The following THSD7B variants were observed in gnomAD, a reference collection of about 807,000 sequenced individuals.
The protein encoded by THSD7B is thrombospondin type 1 domain containing 7B, also known as thrombospondin type-1 domain-containing protein 7B.
Under a neutral mutation model 213.6 loss-of-function variants are expected in THSD7B, and 138 were observed. The observed-to-expected ratio is 0.65, with a 90% CI of 0.56 to 0.74. The LOEUF (loss-of-function observed/expected upper bound fraction) is 0.74. THSD7B is among the 30% of genes least tolerant of loss of function. The pLI, the probability that THSD7B is intolerant of heterozygous loss-of-function variation, is 0.00. For missense variants in THSD7B, 1,931 were observed against 1,991.5 expected (o/e 0.97, Z 0.58); for synonymous variants, 742 against 687.0 (o/e 1.08, Z -1.25).
At chr2:137,673,562 A>AACTT (rs1454843565) in intron 27 of THSD7B, among the ~76,000 whole-genome samples, 11 of 152,174 alleles carry the variant, frequency 7.2e-5, no homozygotes, top group East Asian at 1.9e-4. Flanking sequence ...ATAAGAAATA[A>AACTT]ACTTACTTCT....
intron 3 of THSD7B, among the ~76,000 whole-genome samples, chr2:137,076,562 T>C (rs11886749): frequency 0.19 from 29,376 of 152,250 alleles, 2,949 homozygotes; most frequent in African/African-American, 0.24. Flanking sequence ...TCTCGCCCTG[T>C]TTCGGCTGGC....
At chr2:137,576,518 T>C (rs2105239911) in intron 17 of THSD7B, among the ~76,000 whole-genome samples, 1 of 152,184 alleles carries the variant, frequency 6.6e-6, no homozygotes, top group Admixed American at 6.6e-5. Context: ...TGAGAAACGA[T>C]CACAAAGGAA....
chr2:137,207,547 T>C lies in THSD7B; in HGVS notation c.1724-23497T>C, dbSNP rs369152236. Among the ~76,000 whole-genome samples the C allele has an allele frequency of 1.5e-4, 23 of 152,170 alleles. 2 individuals carry two copies. In the South Asian group the frequency reaches 4.8e-3, roughly 32 times the overall value. The stretch of plus-strand genomic sequence containing the variant: ...AATTGTTTGCAAGAAGAAGACCCTA[T>C]CGATAAATCATGGAGCTTAAAAGCA... On this transcript the variant is annotated intron_variant, in intron 7 of 27. Transcript: ENST00000409968.
intron 3 of THSD7B, among the ~76,000 whole-genome samples, chr2:137,083,866 AGCATGATTTCGAATGGCCCACT>A (rs753057042): frequency 3.8e-4 from 58 of 152,314 alleles, no homozygotes; most frequent in Non-Finnish European, 6.9e-4. Context: ...AATTGGAATA[AGCATGATTTCGAATGGCCCACT>A]GTATGATTAA....
At chr2:136,791,379 G>A (rs184582917) in intron 1 of THSD7B, among the ~76,000 whole-genome samples, 8 of 151,668 alleles carry the variant, frequency 5.3e-5, no homozygotes, top group African/African-American at 1.2e-4. Context: ...GATGTAATTC[G>A]CATACCAAAG....
intron 14 of THSD7B, among the ~76,000 whole-genome samples, chr2:137,436,403 G>A (rs1687292547): frequency 6.6e-6 from 1 of 152,294 alleles, no homozygotes; most frequent in African/African-American, 2.4e-5. Flanking sequence ...GCACGAGAAT[G>A]CACAGCTGAG....
intron 2 of THSD7B, among the ~76,000 whole-genome samples, chr2:137,001,390 C>G (rs1263862014): frequency 6.6e-6 from 1 of 152,048 alleles, no homozygotes; most frequent in Non-Finnish European, 1.5e-5. Flanking sequence ...TGTGCCTTCA[C>G]AATATAACAC....
intron 12 of THSD7B, among the ~76,000 whole-genome samples, chr2:137,354,731 T>C (rs1388197424): frequency 1.3e-5 from 2 of 152,132 alleles, no homozygotes; most frequent in Non-Finnish European, 2.9e-5. Context: ...TTATGAAATT[T>C]AGAATCAAGG....
intron 1 of THSD7B, among the ~76,000 whole-genome samples, chr2:136,840,714 G>A (rs904934635): frequency 1.3e-5 from 2 of 152,062 alleles, no homozygotes; most frequent in African/African-American, 4.8e-5. Flanking sequence ...ACACAGGAGG[G>A]GTATGATCCA....
intron 2 of THSD7B, among the ~76,000 whole-genome samples, chr2:136,996,993 A>T (rs997854001): frequency 6.6e-5 from 10 of 152,214 alleles, no homozygotes; most frequent in African/African-American, 2.4e-4. Flanking sequence ...ATATTGCCAA[A>T]AATCTAGAAC....
intron 1 of THSD7B, among the ~76,000 whole-genome samples, chr2:136,801,580 C>T (rs143252240): frequency 4.6e-5 from 7 of 152,196 alleles, no homozygotes; most frequent in African/African-American, 1.7e-4. Flanking sequence ...GTTTGTTCTT[C>T]CTCTTCTGCT....
chr2:137,372,644 G>C (rs1248991806), intron 12 of THSD7B, among the ~76,000 whole-genome samples: 1 of 151,956 alleles, frequency 6.6e-6, no homozygotes, highest in Non-Finnish European at 1.5e-5. Context: ...TCAATATAAA[G>C]AAATGCTTGA....
chr2:137,421,576 C>T (rs1558792008), intron 14 of THSD7B, among the ~76,000 whole-genome samples: 1 of 152,202 alleles, frequency 6.6e-6, no homozygotes, highest in African/African-American at 2.4e-5. Flanking sequence ...CCACCCTCCC[C>T]GAATTTCCAT....
intron 21 of THSD7B, among the ~76,000 whole-genome samples, chr2:137,649,831 C>T (rs1683104603): frequency 1.3e-5 from 2 of 152,058 alleles, no homozygotes; most frequent in African/African-American, 2.4e-5. Context: ...CACAGTGGCT[C>T]ACGCCTGCAA....
intron 15 of THSD7B, among the ~76,000 whole-genome samples, chr2:137,486,749 C>T: frequency 6.6e-6 from 1 of 152,182 alleles, no homozygotes; most frequent in Non-Finnish European, 1.5e-5. Context: ...GGAAGTAAAG[C>T]TCTCCTCAGC....
At chr2:137,005,599 T>C (rs1438051455) in intron 2 of THSD7B, among the ~76,000 whole-genome samples, 1 of 152,252 alleles carries the variant, frequency 6.6e-6, no homozygotes, top group Non-Finnish European at 1.5e-5. Context: ...TAATTACTTC[T>C]GCAATTGCCA....
chr2:136,772,327 T>C (rs1340710034), intron 1 of THSD7B, among the ~76,000 whole-genome samples: 1 of 152,170 alleles, frequency 6.6e-6, no homozygotes, highest in Non-Finnish European at 1.5e-5. Flanking sequence ...GAATTACTTC[T>C]ACCTGGAGGT....
intron 2 of THSD7B, among the ~76,000 whole-genome samples, chr2:136,978,507 C>T (rs1263762230): frequency 6.6e-6 from 1 of 152,110 alleles, no homozygotes; most frequent in Non-Finnish European, 1.5e-5. Flanking sequence ...GGATAGTTAG[C>T]ACTTCTTGTT....
At chr2:136,917,053 A>C (rs1684361934) in intron 2 of THSD7B, among the ~76,000 whole-genome samples, 1 of 152,264 alleles carries the variant, frequency 6.6e-6, no homozygotes, top group African/African-American at 2.4e-5. Context: ...TGGTTTTATC[A>C]GTCTCATAGA....
Sources: allele counts gnomAD v4.1 joint callset (sites outside exome capture counted in the v4.1 genomes callset), GRCh38; gene constraint gnomAD v4.1.1; transcripts MANE v1.5; gene names NCBI Gene and HGNC (gene_info 2026-07-23, HGNC 2026-07-21).